Variants in CLSTN2 observed in about 807,000 individuals in gnomAD.
The protein encoded by CLSTN2 is calsyntenin 2.
A neutral mutation model predicts 101.2 loss-of-function variants in CLSTN2; 48 were observed. That is an observed-to-expected ratio of 0.47 (90% CI 0.38 to 0.60). The LOEUF is 0.60. Among genes scored for constraint, CLSTN2 ranks in the 20% least tolerant of loss-of-function variants. The probability of loss-of-function intolerance (pLI) is 0.00; values close to 1 mark genes in which losing one functional copy is unlikely to be tolerated. For synonymous variants in CLSTN2, 481 were observed against 463.6 expected (o/e 1.04, Z -0.48); for missense variants, 1,160 against 1,238.2 (o/e 0.94, Z 0.95).
At chr3:140,481,761 G>A (rs919742416) in intron 8 of CLSTN2, among the ~76,000 whole-genome samples, 20 of 152,258 alleles carry the variant, frequency 1.3e-4, no homozygotes, top group African/African-American at 4.8e-4. Context: ...TCTGTTATTG[G>A]TGTATAAGAA....
intron 2 of CLSTN2, among the ~76,000 whole-genome samples, chr3:140,189,173 A>G (rs1420832158): frequency 6.6e-6 from 1 of 152,136 alleles, no homozygotes; most frequent in East Asian, 1.9e-4. Context: ...ACCATTCCTT[A>G]TTACCCATTT....
intron 8 of CLSTN2, among the ~76,000 whole-genome samples, chr3:140,511,779 A>AATCT (rs1008554511): frequency 1.2e-4 from 18 of 150,376 alleles, no homozygotes; most frequent in African/African-American, 4.4e-4. Context: ...GAATGGTCTC[A>AATCT]ATCTCCTGAC....
At chr3:140,392,717 G>A (rs767372781) in intron 2 of CLSTN2, among the ~76,000 whole-genome samples, 1 of 151,948 alleles carries the variant, frequency 6.6e-6, no homozygotes, top group Non-Finnish European at 1.5e-5. Context: ...AGACACTAGT[G>A]ATGAGAAATA....
chr3:140,509,658 C>T (rs187553749), intron 8 of CLSTN2, among the ~76,000 whole-genome samples: 1 of 152,020 alleles, frequency 6.6e-6, no homozygotes, highest in African/African-American at 2.4e-5. Context: ...AATGGGGGGG[C>T]CTCATCTCCT....
At chr3:140,407,258 G>A (rs1007544546) in intron 4 of CLSTN2, among the ~76,000 whole-genome samples, 11 of 152,194 alleles carry the variant, frequency 7.2e-5, no homozygotes, top group Non-Finnish European at 1.6e-4. Flanking sequence ...TCTGAATTTA[G>A]AGCCTGCTCA....
chr3:140,353,577 A>G (rs1034767428), intron 2 of CLSTN2, among the ~76,000 whole-genome samples: 1 of 152,138 alleles, frequency 6.6e-6, no homozygotes, highest in Non-Finnish European at 1.5e-5. Flanking sequence ...CCTCACAGAC[A>G]TACCCAGGAT....
Position 140,568,432 on chromosome 3 carries a change from A to T in CLSTN2, c.*2179A>T, listed in dbSNP as rs916519341. The T allele has an allele frequency of 1.3e-5, 2 of 152,206 alleles. 1 individual carries two copies. The highest frequency in any genetic ancestry group is 1.3e-4 in the Admixed American group (2 of 15,290). The allele number at this position is 152,206 out of a possible 1,614,324, so 9.4% of individuals were successfully genotyped here. A position where few individuals can be genotyped will look rare whatever the true frequency, so the allele number is the denominator to read the frequency against. ...CAGAAGAAGCTGGGGTTTTATATTC[A>T]TTGGATGGAAACAGATATTTCTCCT... On this transcript the variant is annotated 3_prime_UTR_variant, in exon 17 of 17. Transcript: ENST00000458420.
chr3:140,038,507 A>T lies in CLSTN2; in HGVS notation c.109+103024A>T, dbSNP rs533664884. Among the ~76,000 whole-genome samples, 13 of 152,144 alleles carry T rather than the reference A, an allele frequency of 8.5e-5. No homozygotes were observed. In the Middle Eastern group the frequency reaches 0.01, roughly 119 times the overall value. The stretch of plus-strand genomic sequence containing the variant: ...TTCTGTAGGTTGTCTGTTCACTCTG[A>T]TGATATTTTCTTTCGGTGTGCAGAC... On this transcript the variant is annotated intron_variant, in intron 1 of 16. Transcript: ENST00000458420.
chr3:140,113,892 A>C (rs1164271636), intron 1 of CLSTN2, among the ~76,000 whole-genome samples: 1 of 152,208 alleles, frequency 6.6e-6, no homozygotes, highest in African/African-American at 2.4e-5. Context: ...TATTCTACAC[A>C]TGTGAATAAG....
At chr3:140,003,205 T>C (rs2006884418) in intron 1 of CLSTN2, among the ~76,000 whole-genome samples, 1 of 152,218 alleles carries the variant, frequency 6.6e-6, no homozygotes, top group Non-Finnish European at 1.5e-5. Context: ...ACATGGAAAG[T>C]CTTTCAATTT....
At chr3:140,028,660 G>C (rs2007473898) in intron 1 of CLSTN2, among the ~76,000 whole-genome samples, 1 of 152,232 alleles carries the variant, frequency 6.6e-6, no homozygotes, top group Non-Finnish European at 1.5e-5. Flanking sequence ...ATGGGCAACT[G>C]CCTATGGAGC....
chr3:140,240,194 A>ATATATATG (rs2086451221), intron 2 of CLSTN2, among the ~76,000 whole-genome samples: 1 of 8,102 alleles, frequency 1.2e-4, no homozygotes, highest in Non-Finnish European at 1.8e-3. Flanking sequence ...ATATATATAT[A>ATATATATG]TATATACACA....
intron 2 of CLSTN2, among the ~76,000 whole-genome samples, chr3:140,177,112 G>C (rs1259116117): frequency 1.3e-5 from 2 of 152,190 alleles, no homozygotes; most frequent in Non-Finnish European, 2.9e-5. Flanking sequence ...AAACCCATAA[G>C]CATTCTTGCA....
intron 1 of CLSTN2, among the ~76,000 whole-genome samples, chr3:140,171,738 TTAA>T (rs2010226404): frequency 1.0e-5 from 1 of 98,674 alleles, no homozygotes; most frequent in African/African-American, 4.5e-5. Context: ...ATATAATATA[TTAA>T]TATATAATAT....
chr3:140,052,052 T>C (rs1024599019), intron 1 of CLSTN2, among the ~76,000 whole-genome samples: 12 of 152,230 alleles, frequency 7.9e-5, no homozygotes, highest in Non-Finnish European at 1.5e-4. Context: ...TTGAGATCAA[T>C]TGGTCCAGAG....
chr3:140,037,475 A>G (rs1050880866), intron 1 of CLSTN2, among the ~76,000 whole-genome samples: 1 of 152,176 alleles, frequency 6.6e-6, no homozygotes, highest in African/African-American at 2.4e-5. Context: ...TCGTATTTAA[A>G]AAAATAATCT....
chr3:140,225,257 G>T (rs1010908671), intron 2 of CLSTN2, among the ~76,000 whole-genome samples: 3 of 152,186 alleles, frequency 2.0e-5, no homozygotes, highest in Admixed American at 1.3e-4. Context: ...TGCCTTTCCA[G>T]GTGATGGTGA....
chr3:140,082,278 C>T lies in CLSTN2; in HGVS notation c.110-93673C>T, dbSNP rs536555106. On this transcript the variant is annotated intron_variant, in intron 1 of 16. Transcript: ENST00000458420. ...TCCTGTGGCTGGCATTCTTTCCCTT[C>T]TCTCCTATTCCTTGAATATAGAGGG... is the stretch of plus-strand genomic sequence containing the variant. 6.2e-4 allele frequency among the ~76,000 whole-genome samples: 95 copies of T among 152,324 alleles called. 1 individual carries two copies. Among genetic ancestry groups the T allele is most frequent in the African/African-American group, 2.3e-3 (94 of 41,566 alleles).
At chr3:140,329,155 G>T (rs1355767456) in intron 2 of CLSTN2, among the ~76,000 whole-genome samples, 1 of 152,210 alleles carries the variant, frequency 6.6e-6, no homozygotes, top group East Asian at 1.9e-4. Context: ...GGGAAGCTGA[G>T]ATGGGTGGCT....
Sources: gnomAD v4.1 joint callset for allele counts (sites outside exome capture counted in the v4.1 genomes callset) on GRCh38, gnomAD v4.1.1 for gene constraint, MANE v1.5 for transcripts, NCBI Gene and HGNC (gene_info 2026-07-23, HGNC 2026-07-21) for gene names.